The following MED13L variants were observed in gnomAD, a reference collection of about 807,000 sequenced individuals.
The protein encoded by MED13L is mediator complex subunit 13L.
MED13L carries 7 observed loss-of-function variants against 220.9 expected under a neutral mutation model. That is an observed-to-expected ratio of 0.03 (90% CI 0.02 to 0.06). The LOEUF (loss-of-function observed/expected upper bound fraction) is 0.06. MED13L is among the 10% of genes least tolerant of loss of function. The pLI is 1.00. For missense variants in MED13L, 1,965 were observed against 2,760.5 expected (o/e 0.71, Z 6.46); for synonymous variants, 1,011 against 1,015.2 (o/e 1.00, Z 0.08).
chr12:116,241,606 T>TG (rs771681965), intron 1 of MED13L, among the ~76,000 whole-genome samples: 127 of 152,310 alleles, frequency 8.3e-4, no homozygotes, highest in Admixed American at 1.3e-3. Context: ...AGTACATCTA[T>TG]GCTCTCAGTG....
chr12:116,077,027 G>A (rs1870859860), intron 4 of MED13L, among the ~76,000 whole-genome samples: 1 of 149,710 alleles, frequency 6.7e-6, no homozygotes, highest in South Asian at 2.1e-4. Context: ...AGACACCACG[G>A]TGACATGTGT....
At chr12:116,068,730 T>C (rs913796817) in intron 4 of MED13L, among the ~76,000 whole-genome samples, 3 of 152,144 alleles carry the variant, frequency 2.0e-5, no homozygotes, top group Non-Finnish European at 4.4e-5. Flanking sequence ...TTTTAATTTA[T>C]ATTTTAAGGA....
chr12:116,259,140 A>G (rs905900386), intron 1 of MED13L, among the ~76,000 whole-genome samples: 2 of 152,226 alleles, frequency 1.3e-5, no homozygotes, highest in African/African-American at 4.8e-5. Flanking sequence ...TTAAACAAAC[A>G]ATAGTACATC....
intron 2 of MED13L, among the ~76,000 whole-genome samples, chr12:116,203,483 A>G (rs1463443572): frequency 6.6e-6 from 1 of 152,070 alleles, no homozygotes; most frequent in Non-Finnish European, 1.5e-5. Context: ...CTGGTGGTAA[A>G]AGTGAAGACA....
intron 2 of MED13L, among the ~76,000 whole-genome samples, chr12:116,227,505 A>C (rs1314708527): frequency 6.6e-6 from 1 of 152,172 alleles, no homozygotes; most frequent in Non-Finnish European, 1.5e-5. Flanking sequence ...CATTTTGGTA[A>C]TTCTTGCAAT....
intron 12 of MED13L, 150 bp from the exon 13 acceptor site, chr12:116,006,143 G>A: frequency 7.5e-7 from 1 of 1,335,832 alleles, no homozygotes; most frequent in Non-Finnish European, 1.0e-6. Flanking sequence ...TTCCAAATAT[G>A]TTTATCAGTT....
chr12:116,201,428 A>G (rs1881997654), intron 2 of MED13L, among the ~76,000 whole-genome samples: 1 of 152,224 alleles, frequency 6.6e-6, no homozygotes, highest in Non-Finnish European at 1.5e-5. Flanking sequence ...GAATAAAAAT[A>G]GACATTAACC....
At chr12:116,250,168 A>G (rs1203133904) in intron 1 of MED13L, among the ~76,000 whole-genome samples, 2 of 151,986 alleles carry the variant, frequency 1.3e-5, no homozygotes, top group African/African-American at 4.8e-5. Context: ...AATATTAACT[A>G]CAGACTTCTC....
chr12:116,216,114 C>T (rs1374272287), intron 2 of MED13L, among the ~76,000 whole-genome samples: 1 of 152,176 alleles, frequency 6.6e-6, no homozygotes, highest in African/African-American at 2.4e-5. Context: ...GCTCTTGTGA[C>T]ACTTTTACTA....
At position 116,119,814 on chromosome 12, in the gene MED13L, A is replaced by T. The variant is rs1460922021; in HGVS notation, c.311-8302T>A. ...AGAGAAAGACCCCATATCTTTAAAAAAAAAAAAAAAAAAAAAAAAAAAAAA... is the reference window on the plus strand; with the variant it reads ...AGAGAAAGACCCCATATCTTTAAAATAAAAAAAAAAAAAAAAAAAAAAAAA... On this transcript the variant is annotated intron_variant, in intron 2 of 30. Coordinates refer to ENST00000281928, the MANE Select transcript of MED13L (RefSeq NM_015335.5). Among the ~76,000 whole-genome samples, 27 of 56,704 alleles carry T rather than the reference A, an allele frequency of 4.8e-4. 1 individual carries two copies. The highest frequency in any genetic ancestry group is 3.2e-3 in the South Asian group (4 of 1,264). 37.2% of individuals were successfully genotyped at this position (56,704 alleles called of 152,430 possible).
chr12:116,153,597 C>G lies in MED13L; in HGVS notation c.311-42085G>C, dbSNP rs556921193. On this transcript the variant is annotated intron_variant, in intron 2 of 30. Transcript: ENST00000281928. ...AGGCCAAAAGCAAGTTAAATTCACT[C>G]TCCTGGAAGAAATAATAGCAGTATT... Among the ~76,000 whole-genome samples the G allele has an allele frequency of 3.9e-5, 6 of 152,272 alleles. No individual in the cohort carries two copies. The South Asian group carries it at 1.2e-3, about 32-fold the overall frequency.
intron 1 of MED13L, 95 bp from the exon 2 acceptor site, chr12:116,237,800 A>G: frequency 9.3e-7 from 1 of 1,078,188 alleles, no homozygotes; most frequent in South Asian, 1.3e-5. Context: ...TGCTAAAATA[A>G]ATATTTACAC....
chr12:116,093,027 A>G (rs1203205856), intron 4 of MED13L, among the ~76,000 whole-genome samples: 1 of 152,230 alleles, frequency 6.6e-6, no homozygotes, highest in East Asian at 1.9e-4. Flanking sequence ...AATGACATTC[A>G]AAGACTAAAG....
At chr12:116,117,157 C>T (rs554419860) in intron 2 of MED13L, among the ~76,000 whole-genome samples, 25 of 152,034 alleles carry the variant, frequency 1.6e-4, no homozygotes, top group African/African-American at 6.0e-4. Flanking sequence ...ATGGATGAAT[C>T]TCATTATGCT....
At chr12:116,224,868 A>G (rs1868800382) in intron 2 of MED13L, among the ~76,000 whole-genome samples, 1 of 152,098 alleles carries the variant, frequency 6.6e-6, no homozygotes, top group South Asian at 2.1e-4. Flanking sequence ...TTGTAGAGAT[A>G]AGGCTTCACC....
At chr12:116,215,464 A>AT (rs1882936599) in intron 2 of MED13L, among the ~76,000 whole-genome samples, 1 of 152,200 alleles carries the variant, frequency 6.6e-6, no homozygotes, top group African/African-American at 2.4e-5. Flanking sequence ...CTTATAGCTG[A>AT]TATCTTATAA....
intron 1 of MED13L, among the ~76,000 whole-genome samples, chr12:116,267,619 T>C (rs943402212): frequency 5.9e-5 from 9 of 152,206 alleles, no homozygotes; most frequent in Non-Finnish European, 1.3e-4. Flanking sequence ...ATCATACTAG[T>C]AAAAATGTTT....
At position 116,244,485 on chromosome 12, in the gene MED13L, T is replaced by C. The variant is rs78789679; in HGVS notation, c.73-6780A>G. 3.6e-3 allele frequency among the ~76,000 whole-genome samples: 554 copies of C among 152,350 alleles called. 24 individuals are homozygous for C. In the East Asian group the frequency reaches 0.089, roughly 25 times the overall value. On this transcript the variant is annotated intron_variant, in intron 1 of 30. Coordinates refer to ENST00000281928, the MANE Select transcript of MED13L (RefSeq NM_015335.5). ...TTTGAAGGCTAAGAAGCAGATGCTC[T>C]GATAAGGAGATTTACAATACGTAAG... is the stretch of plus-strand genomic sequence containing the variant.
chr12:116,134,895 C>A (rs1244288939), intron 2 of MED13L, among the ~76,000 whole-genome samples: 1 of 152,034 alleles, frequency 6.6e-6, no homozygotes, highest in East Asian at 1.9e-4. Flanking sequence ...TGTGGCCGGG[C>A]GCAGTGGCTC....
Sources: gnomAD v4.1 joint callset for allele counts (sites outside exome capture counted in the v4.1 genomes callset) on GRCh38, gnomAD v4.1.1 for gene constraint, MANE v1.5 for transcripts, NCBI Gene and HGNC (gene_info 2026-07-23, HGNC 2026-07-21) for gene names.